Variants in WDR88 observed in about 807,000 individuals in gnomAD.
The protein encoded by WDR88 is WD repeat-containing protein 88.
In WDR88, 40 loss-of-function variants were observed where a neutral mutation model predicts 46.8. That is an observed-to-expected ratio of 0.86 (90% confidence interval 0.66 to 1.11). WDR88 has a LOEUF of 1.11. WDR88 is among the 50% of genes most tolerant of loss of function. WDR88 has a pLI of 0.00. For missense variants in WDR88, 562 were observed against 602.4 expected (o/e 0.93, Z 0.70); for synonymous variants, 235 against 240.7 (o/e 0.98, Z 0.22).
At chr19:33,166,347 T>TG (rs917180751) in intron 9 of WDR88, among the ~76,000 whole-genome samples, 1 of 150,382 alleles carries the variant, frequency 6.6e-6, no homozygotes, top group Non-Finnish European at 1.5e-5. Flanking sequence ...CCCAGCACTT[T>TG]GGGAGGCCAA....
rs370633263 is a variant in WDR88, at chr19:33,175,474, C to T, written c.1321C>T (p.Arg441Trp). The change falls in exon 11 of 11, where the codon CGG (arginine) becomes TGG (tryptophan). Residue 441 changes from arginine (R) to tryptophan (W), a missense_variant. Physicochemically the swap from Arg to Trp is moderately radical, Grantham distance 101 (BLOSUM62 -3). Transcript: ENST00000355868. ...SEMFTQCVFC[R>W]IDTRGLPADT... ...AATGTTCACCCAATGCGTGTTCTGC[C>T]GGATAGATACAAGGGGCTTGCCAGC... is the stretch of plus-strand genomic sequence containing the variant. 4.3e-6 allele frequency: 7 copies of T among 1,614,018 alleles called. No individual in the cohort carries two copies. The highest frequency in any genetic ancestry group is 2.2e-5 in the South Asian group (2 of 91,088).
intron 3 of WDR88, among the ~76,000 whole-genome samples, chr19:33,145,700 A>G (rs1378157499): frequency 2.6e-5 from 4 of 151,752 alleles, no homozygotes; most frequent in Non-Finnish European, 5.9e-5. Flanking sequence ...ACAGCTGGCT[A>G]ATTTTTTTAT....
chr19:33,135,993 G>A (rs1430517670), intron 1 of WDR88, among the ~76,000 whole-genome samples: 1 of 151,606 alleles, frequency 6.6e-6, no homozygotes, highest in African/African-American at 2.4e-5. Context: ...AGGTTCAAGC[G>A]ATTCTCCTGC....
At chr19:33,173,091 C>CAAAAAA in intron 10 of WDR88, among the ~76,000 whole-genome samples, 1 of 57,278 alleles carries the variant, frequency 1.7e-5, no homozygotes, top group Non-Finnish European at 2.9e-5. Context: ...GACTCTGTCT[C>CAAAAAA]AAAAAAAAAA....
chr19:33,157,027 C>A (rs1973748882), intron 7 of WDR88, among the ~76,000 whole-genome samples: 1 of 151,986 alleles, frequency 6.6e-6, no homozygotes, highest in African/African-American at 2.4e-5. Flanking sequence ...AAGACCCTGT[C>A]TCTACAAAAA....
At chr19:33,149,405 A>G (rs1973587129) in intron 5 of WDR88, among the ~76,000 whole-genome samples, 1 of 152,216 alleles carries the variant, frequency 6.6e-6, no homozygotes, top group African/African-American at 2.4e-5. Context: ...ATGCTTTTCC[A>G]TTCATTCAGT....
chr19:33,135,399 A>G (rs1041726253), intron 1 of WDR88, among the ~76,000 whole-genome samples: 2 of 152,132 alleles, frequency 1.3e-5, no homozygotes, highest in Non-Finnish European at 2.9e-5. Flanking sequence ...ACCAAGTAAT[A>G]TTCTGTTGCA....
chr19:33,156,408 T>C lies in WDR88; in HGVS notation c.863T>C (p.Leu288Pro). 4 of 1,614,192 alleles carry C rather than the reference T, an allele frequency of 2.5e-6. No homozygotes were observed. Among genetic ancestry groups the C allele is most frequent in the Non-Finnish European group, 3.4e-6 (4 of 1,180,028 alleles). The change falls in exon 7 of 11, where the codon CTG (leucine) becomes CCG (proline). Residue 288 changes from leucine to proline, a missense_variant. Transcript: ENST00000355868. The part of the protein sequence containing the change: ...NCCFTFSGHF[L>P]CTSSWDKNLK... Reference sequence around the variant, plus strand: ...TGTTTTACCTTCAGTGGCCATTTCCTGTGTACAAGCTCCTGGGATAAAAAC... The same window carrying C: ...TGTTTTACCTTCAGTGGCCATTTCCCGTGTACAAGCTCCTGGGATAAAAAC...
chr19:33,172,375 G>T lies in WDR88; in HGVS notation c.1177G>T (p.Glu393Ter). The stretch of plus-strand genomic sequence containing the variant: ...TAGGACCATGAGACTGTGGAATATT[G>T]AAGAAATTGATGAAATTCCTTTGGT... Reference protein sequence around the residue: ...KDRTMRLWNIEEIDEIPLVIK... With the variant: ...KDRTMRLWNI Residue 393 changes from glutamate to a stop codon, truncating the protein, a stop_gained, in exon 10 of 11, where the codon GAA (glutamate) becomes TAA (stop). Coordinates refer to ENST00000355868, the MANE Select transcript of WDR88 (RefSeq NM_173479.4). LOFTEE classifies it high-confidence loss of function. 1 of 1,614,046 alleles carries T rather than the reference G, an allele frequency of 6.2e-7. No individual in the cohort carries two copies. The highest frequency in any genetic ancestry group is 8.5e-7 in the Non-Finnish European group (1 of 1,179,992).
chr19:33,164,853 T>C (rs1234117093), intron 9 of WDR88, among the ~76,000 whole-genome samples: 1 of 151,990 alleles, frequency 6.6e-6, no homozygotes, highest in Non-Finnish European at 1.5e-5. Flanking sequence ...GAGCATTACA[T>C]TTATTGTGCA....
intron 10 of WDR88, among the ~76,000 whole-genome samples, 198 bp from the exon 11 acceptor site, chr19:33,175,198 G>A (rs1440777159): frequency 6.6e-6 from 1 of 152,112 alleles, no homozygotes; most frequent in Non-Finnish European, 1.5e-5. Context: ...TGGTGCCACT[G>A]CACTCCAGCC....
At position 33,156,557 on chromosome 19, in the gene WDR88, T is replaced by G. The variant is rs756772481; in HGVS notation, c.997+15T>G. On this transcript the variant is annotated intron_variant, in intron 7 of 10. Transcript: ENST00000355868. ...TGCCAGAGACAGTGAGTAATTAACATGCAGAAGGCCTCCATTCCTGTGGGA... is the reference window on the plus strand; with the variant it reads ...TGCCAGAGACAGTGAGTAATTAACAGGCAGAAGGCCTCCATTCCTGTGGGA... 4 of 1,607,316 alleles carry G rather than the reference T, an allele frequency of 2.5e-6. No individual in the cohort carries two copies. Among genetic ancestry groups the G allele is most frequent in the Non-Finnish European group, 3.4e-6 (4 of 1,176,028 alleles).
At chr19:33,174,970 C>A (rs2145432098) in intron 10 of WDR88, 1 of 985,478 alleles carries the variant, frequency 1.0e-6, no homozygotes, top group South Asian at 4.7e-5. Flanking sequence ...CCCAGTGGCT[C>A]ACGCCTGTAA....
Position 33,137,485 on chromosome 19 carries a change from T to G in WDR88, c.277-192T>G, listed in dbSNP as rs570808811. On this transcript the variant is annotated intron_variant, in intron 1 of 10. Transcript: ENST00000355868. ...CCAGGCTGGTCTTGAACTCCTGACC[T>G]CAGGTGATCTGCCTGCCTCGGCCTC... 7.9e-5 allele frequency among the ~76,000 whole-genome samples: 12 copies of G among 152,260 alleles called. No homozygotes were observed. In the East Asian group the frequency reaches 2.3e-3, roughly 29 times the overall value.
chr19:33,133,198 T>TATAGAGAG (rs1555723214), intron 1 of WDR88, among the ~76,000 whole-genome samples: 3,367 of 79,250 alleles, frequency 0.042, 87 homozygotes, highest in South Asian at 0.092. Flanking sequence ...TAAATAAATA[T>TATAGAGAG]AGAGAGAGAG....
chr19:33,133,036 G>A (rs1276713258), intron 1 of WDR88, among the ~76,000 whole-genome samples: 3 of 151,622 alleles, frequency 2.0e-5, no homozygotes, highest in Admixed American at 6.6e-5. Context: ...GCGCACCTGT[G>A]GTCCCAGCCA....
chr19:33,154,921 C>G (rs778124754), intron 6 of WDR88, among the ~76,000 whole-genome samples: 2 of 152,160 alleles, frequency 1.3e-5, no homozygotes, highest in Admixed American at 6.6e-5. Flanking sequence ...TTCCAAAACT[C>G]TGATCTGAGC....
chr19:33,153,643 C>T (rs573105112), intron 6 of WDR88, among the ~76,000 whole-genome samples: 7 of 152,172 alleles, frequency 4.6e-5, no homozygotes, highest in Non-Finnish European at 7.4e-5. Context: ...TACAGGCGCC[C>T]GCCACCATGC....
chr19:33,174,387 G>A (rs1031824748), intron 10 of WDR88: 15 of 1,412,708 alleles, frequency 1.1e-5, no homozygotes, highest in Admixed American at 8.5e-5. Context: ...GGGCAGGGGC[G>A]CGGCCACCTT....
Sources: allele counts gnomAD v4.1 joint callset (sites outside exome capture counted in the v4.1 genomes callset), GRCh38; gene constraint gnomAD v4.1.1; transcripts MANE v1.5; gene names NCBI Gene and HGNC (gene_info 2026-07-23, HGNC 2026-07-21).